The following SPHK2 variants were observed in gnomAD, a reference collection of about 807,000 sequenced individuals.
SPHK2 encodes sphingosine kinase 2.
Under a neutral mutation model 32.3 loss-of-function variants are expected in SPHK2, and 18 were observed. The observed-to-expected ratio is 0.56, with a 90% confidence interval of 0.39 to 0.83. The LOEUF (loss-of-function observed/expected upper bound fraction) is 0.83. Ranked by LOEUF, SPHK2 falls within the 40% of genes least tolerant of loss-of-function variation. The probability of loss-of-function intolerance (pLI) is 0.00; values close to 1 mark genes in which losing one functional copy is unlikely to be tolerated. For synonymous variants in SPHK2, 462 were observed against 417.6 expected (o/e 1.11, Z -1.30); for missense variants, 850 against 908.7 (o/e 0.94, Z 0.83).
Position 48,628,660 on chromosome 19 carries a change from C to T in SPHK2, c.873-21C>T, listed in dbSNP as rs746902658. The T allele has an allele frequency of 1.6e-5, 25 of 1,603,728 alleles. No homozygotes were observed. Among genetic ancestry groups the T allele is most frequent in the Admixed American group, 5.0e-5 (3 of 59,890 alleles). ...TGTTTGCTCCTTCCTTCTGTGTGTCCGTCCATCTCCGGCTGTGAAGATTTG... is the reference window on the plus strand; with the variant it reads ...TGTTTGCTCCTTCCTTCTGTGTGTCTGTCCATCTCCGGCTGTGAAGATTTG... On this transcript the variant is annotated intron_variant, in intron 6 of 6. Coordinates refer to ENST00000245222, the MANE Select transcript of SPHK2 (RefSeq NM_020126.5). This position sits in a 1 kb window ranked among gnomAD's most constrained non-coding sequence, Gnocchi z 5.2.
intron 2 of SPHK2, among the ~76,000 whole-genome samples, chr19:48,623,609 A>T (rs2147675519): frequency 6.6e-6 from 1 of 152,072 alleles, no homozygotes; most frequent in South Asian, 2.1e-4. Context: ...TGACCTAGAG[A>T]TACTGTCCCC....
intron 2 of SPHK2, 44 bp from the exon 3 acceptor site, chr19:48,625,847 A>G: frequency 1.3e-6 from 2 of 1,593,906 alleles, no homozygotes; most frequent in Non-Finnish European, 1.7e-6. Flanking sequence ...TGCCCCTGCC[A>G]TGGGGTCCTG....
Position 48,629,962 on chromosome 19 carries a change from A to G in SPHK2, c.*189A>G, listed in dbSNP as rs964090126. The G allele has an allele frequency of 8.2e-5, 115 of 1,408,556 alleles. No homozygotes were observed. Among genetic ancestry groups the G allele is most frequent in the Non-Finnish European group, 1.0e-4 (111 of 1,085,474 alleles). 87.3% of individuals were successfully genotyped at this position (1,408,556 alleles called of 1,614,324 possible). On this transcript the variant is annotated 3_prime_UTR_variant, in exon 7 of 7. Coordinates refer to ENST00000245222, the MANE Select transcript of SPHK2 (RefSeq NM_020126.5). ...TGGGCGTCGTCACGGTTAAAGAGAA[A>G]TGGGCTCGTCCCGAGGGTAGTGCCT...
intron 2 of SPHK2, among the ~76,000 whole-genome samples, chr19:48,622,451 A>C (rs1601153384): frequency 6.6e-6 from 1 of 152,078 alleles, no homozygotes; most frequent in Admixed American, 6.5e-5. Context: ...GGGGCTTCCC[A>C]GCAGTCACAC....
rs761206050 is a variant in SPHK2, at chr19:48,628,703, G to C, written c.895G>C (p.Asp299His). Residue 299 changes from aspartate (D) to histidine (H), a missense_variant, in exon 7 of 7, where the codon GAC becomes CAC. This residue lies in a region of SPHK2 where 544 missense variants were observed against 640.0 expected (regional missense o/e 0.85). Transcript: ENST00000245222. The surrounding 1 kb of genome is among the most constrained non-coding windows in gnomAD (Gnocchi z 5.2). Reference protein sequence around the residue: ...HGGFEPALGLDLLLNCSLLLC... With the variant: ...HGGFEPALGLHLLLNCSLLLC... ...AAGATTTGAGCCAGCCCTGGGCCTCGACCTGTTGCTCAACTGCTCACTGTT... is the reference window on the plus strand; with the variant it reads ...AAGATTTGAGCCAGCCCTGGGCCTCCACCTGTTGCTCAACTGCTCACTGTT... The C allele has an allele frequency of 1.2e-6, 2 of 1,612,154 alleles. No individual in the cohort carries two copies. Among genetic ancestry groups the C allele is most frequent in the African/African-American group, 1.3e-5 (1 of 75,048 alleles).
chr19:48,620,781 A>C, intron 2 of SPHK2: 1 of 452,224 alleles, frequency 2.2e-6, no homozygotes, highest in Non-Finnish European at 4.0e-6. Context: ...AAAATTAGCC[A>C]GGCATGGTGA....
chr19:48,630,175 G>A lies in SPHK2; in HGVS notation c.*402G>A, dbSNP rs995714328. On this transcript the variant is annotated 3_prime_UTR_variant, in exon 7 of 7. Coordinates refer to ENST00000245222, the MANE Select transcript of SPHK2 (RefSeq NM_020126.5). This position sits in a 1 kb window ranked among gnomAD's most constrained non-coding sequence, Gnocchi z 4.9. Reference sequence around the variant, plus strand: ...AGGCCTCAGTGAGTCGGCCGGTCAGGGCCCGCAGCCTCGCCCCATCCACTC... The same window carrying A: ...AGGCCTCAGTGAGTCGGCCGGTCAGAGCCCGCAGCCTCGCCCCATCCACTC... The A allele has an allele frequency of 1.6e-6, 2 of 1,248,060 alleles. No homozygotes were observed. The highest frequency in any genetic ancestry group is 2.0e-6 in the Non-Finnish European group (2 of 994,374). 77.3% of individuals were successfully genotyped at this position (1,248,060 alleles called of 1,614,324 possible). A position where few individuals can be genotyped will look rare whatever the true frequency, so the allele number is the denominator to read the frequency against.
chr19:48,629,387 C>G lies in SPHK2; in HGVS notation c.1579C>G (p.Leu527Val). Residue 527 changes from leucine (L) to valine (V), a missense_variant, in exon 7 of 7, where the codon CTG becomes GTG. This residue lies in a region of SPHK2 where 306 missense variants were observed against 268.6 expected (regional missense o/e 1.14). Coordinates refer to ENST00000245222, the MANE Select transcript of SPHK2 (RefSeq NM_020126.5). ...CCTGCTGCCTCCGCTGGGCACCCCG[C>G]TGCCCCCAGACTGGGTGACGCTGGA... is the stretch of plus-strand genomic sequence containing the variant. ...DHLLPPLGTP[L>V]PPDWVTLEGD... 1 of 1,611,888 alleles carries G rather than the reference C, an allele frequency of 6.2e-7. No homozygotes were observed. The highest frequency in any genetic ancestry group is 8.5e-7 in the Non-Finnish European group (1 of 1,179,478).
intron 2 of SPHK2, chr19:48,625,446 T>C: frequency 8.4e-7 from 1 of 1,192,472 alleles, no homozygotes; most frequent in Admixed American, 3.7e-5. Context: ...TGCATGTCTG[T>C]TTCTGCATAT....
At chr19:48,620,250 G>T (rs1296532993) in intron 1 of SPHK2, 152 bp from the exon 2 acceptor site, 1 of 464,262 alleles carries the variant, frequency 2.2e-6, no homozygotes, top group Admixed American at 3.8e-5. Context: ...CAACCAGATG[G>T]ACTGGCTGGG....
In SPHK2 at chr19:48,629,198, C is replaced by T; in HGVS notation, c.1390C>T (p.Pro464Ser). ...AGDWGGAGDAPLSPDPLLSSP... is the reference protein window; with the variant it reads ...AGDWGGAGDASLSPDPLLSSP... Reference sequence around the variant, plus strand: ...GGACTGGGGTGGGGCTGGGGATGCTCCGCTGTCCCCGGACCCACTGCTGTC... The same window carrying T: ...GGACTGGGGTGGGGCTGGGGATGCTTCGCTGTCCCCGGACCCACTGCTGTC... The change falls in exon 7 of 7, where the codon CCG (proline) becomes TCG (serine). Residue 464 changes from proline to serine, a missense_variant. Around this residue, in one of 2 missense-constraint regions of SPHK2, gnomAD observed 306 missense variants for 268.6 expected, o/e 1.14. Transcript: ENST00000245222. 2 of 1,613,512 alleles carry T rather than the reference C, an allele frequency of 1.2e-6. No homozygotes were observed. Among genetic ancestry groups the T allele is most frequent in the Non-Finnish European group, 1.7e-6 (2 of 1,179,970 alleles).
Position 48,620,554 on chromosome 19 carries a change from G to A in SPHK2, c.39+1G>A, listed in dbSNP as rs141161841. The A allele has an allele frequency of 3.7e-5, 60 of 1,611,948 alleles. No homozygotes were observed. In the African/African-American group the frequency reaches 7.6e-4, roughly 20 times the overall value. On this transcript the variant is annotated splice_donor_variant, in intron 2 of 6. Coordinates refer to ENST00000245222, the MANE Select transcript of SPHK2 (RefSeq NM_020126.5). LOFTEE classifies it high-confidence loss of function. ...TGAAGCAGAGGAGCAGCAGGACCAG[G>A]TAAGGGACCATCTAAAAGCCAAGAT...
intron 3 of SPHK2, 90 bp from the exon 4 acceptor site, chr19:48,627,599 TCCA>T: frequency 6.9e-7 from 1 of 1,445,818 alleles, no homozygotes; most frequent in Non-Finnish European, 9.3e-7. Context: ...GGGCCAGCCC[TCCA>T]CCAATTCCGT....
In SPHK2 at chr19:48,630,319, T is replaced by C. The variant is rs2030506033; in HGVS notation, c.*546T>C. Reference sequence around the variant, plus strand: ...TGGGGGCGGGGAAATTCATATCCCCTGTTCGTCTCATGCGCGTCCTCCGTC... The same window carrying C: ...TGGGGGCGGGGAAATTCATATCCCCCGTTCGTCTCATGCGCGTCCTCCGTC... On this transcript the variant is annotated 3_prime_UTR_variant, in exon 7 of 7. Coordinates refer to ENST00000245222, the MANE Select transcript of SPHK2 (RefSeq NM_020126.5). The surrounding 1 kb of genome is among the most constrained non-coding windows in gnomAD (Gnocchi z 4.9). 7 of 1,306,632 alleles carry C rather than the reference T, an allele frequency of 5.4e-6. No individual in the cohort carries two copies. Among genetic ancestry groups the C allele is most frequent in the African/African-American group, 1.5e-5 (1 of 65,510 alleles). The allele number at this position is 1,306,632 out of a possible 1,614,324, so 80.9% of individuals were successfully genotyped here.
chr19:48,623,280 C>T (rs1272019439), intron 2 of SPHK2: 1 of 151,670 alleles, frequency 6.6e-6, no homozygotes, highest in East Asian at 1.9e-4. Flanking sequence ...GGGGGTTTCT[C>T]CATGTTGGTC....
At position 48,625,876 on chromosome 19, in the gene SPHK2, C is replaced by T. The variant is rs76628003; in HGVS notation, c.40-15C>T. 1.8e-3 allele frequency: 2,881 copies of T among 1,609,752 alleles called. 48 individuals are homozygous for T. The African/African-American group carries it at 0.031, about 17-fold the overall frequency. The stretch of plus-strand genomic sequence containing the variant: ...GGTCCTGAATTCTCACCCCTTCTCT[C>T]CTCCCTTCCCACAGAGGCCAGACCA... On this transcript the variant is annotated splice_polypyrimidine_tract_variant and intron_variant, in intron 2 of 6. Coordinates refer to ENST00000245222, the MANE Select transcript of SPHK2 (RefSeq NM_020126.5).
rs369535297 is a variant in SPHK2, at chr19:48,620,560, G to A, written c.39+7G>A. On this transcript the variant is annotated splice_region_variant and intron_variant, in intron 2 of 6. Coordinates refer to ENST00000245222, the MANE Select transcript of SPHK2 (RefSeq NM_020126.5). ...AGAGGAGCAGCAGGACCAGGTAAGG[G>A]ACCATCTAAAAGCCAAGATCCTCAT... is the stretch of plus-strand genomic sequence containing the variant. 5 of 1,610,634 alleles carry A rather than the reference G, an allele frequency of 3.1e-6. No individual in the cohort carries two copies. The African/African-American group carries it at 5.4e-5, about 17-fold the overall frequency.
intron 2 of SPHK2, chr19:48,625,107 TGCCCCTTGCAGGCGCTCGCATGTG>T: frequency 1.0e-6 from 1 of 999,888 alleles, no homozygotes; most frequent in Non-Finnish European, 1.2e-6. Flanking sequence ...TCTTGGCCCC[TGCCCCTTGCAGGCGCTCGCATGTG>T]GCTCCTCTCG....
chr19:48,629,212 C>G lies in SPHK2; in HGVS notation c.1404C>G (p.Asp468Glu). 1.2e-6 allele frequency: 2 copies of G among 1,613,624 alleles called. No homozygotes were observed. The highest frequency in any genetic ancestry group is 1.7e-6 in the Non-Finnish European group (2 of 1,179,980). ...CTGGGGATGCTCCGCTGTCCCCGGACCCACTGCTGTCTTCACCTCCTGGCT... is the reference window on the plus strand; with the variant it reads ...CTGGGGATGCTCCGCTGTCCCCGGAGCCACTGCTGTCTTCACCTCCTGGCT... ...GGAGDAPLSPDPLLSSPPGSP... is the reference protein window; with the variant it reads ...GGAGDAPLSPEPLLSSPPGSP... The change falls in exon 7 of 7, where the codon GAC (aspartate) becomes GAG (glutamate). Residue 468 changes from aspartate (D) to glutamate (E), a missense_variant. Coordinates refer to ENST00000245222, the MANE Select transcript of SPHK2 (RefSeq NM_020126.5).
Sources: allele counts gnomAD v4.1 joint callset (sites outside exome capture counted in the v4.1 genomes callset), GRCh38; gene constraint gnomAD v4.1.1; regional missense constraint gnomAD v4.1.1; non-coding constraint Gnocchi (gnomAD v3.1); transcripts MANE v1.5; gene names NCBI Gene and HGNC (gene_info 2026-07-23, HGNC 2026-07-21).